The following FOXO3 variants were observed in gnomAD, a reference collection of about 807,000 sequenced individuals.
FOXO3 encodes forkhead box O3, also known as forkhead box protein O3.
FOXO3 carries 4 observed loss-of-function variants against 41.9 expected under a neutral mutation model. The observed-to-expected ratio is 0.10, with a 90% CI of 0.05 to 0.22. The LOEUF (loss-of-function observed/expected upper bound fraction) is 0.22. FOXO3 is among the 10% of genes least tolerant of loss of function. FOXO3 has a pLI of 1.00. For missense variants in FOXO3, 534 were observed against 906.8 expected (o/e 0.59, Z 5.28); for synonymous variants, 318 against 389.3 (o/e 0.82, Z 2.16).
At chr6:108,594,357 C>T (rs1403924876) in intron 1 of FOXO3, among the ~76,000 whole-genome samples, 2 of 152,188 alleles carry the variant, frequency 1.3e-5, no homozygotes, top group African/African-American at 4.8e-5. Context: ...TGATTTCATA[C>T]TCCTAAGGTT....
At chr6:108,672,697 T>A (rs1779249732) in intron 2 of FOXO3, among the ~76,000 whole-genome samples, 1 of 152,110 alleles carries the variant, frequency 6.6e-6, no homozygotes, top group South Asian at 2.1e-4. Context: ...GGTTTGGATG[T>A]CAGTACGTCT....
chr6:108,566,271 A>G (rs996372150), intron 1 of FOXO3, among the ~76,000 whole-genome samples: 1 of 152,232 alleles, frequency 6.6e-6, no homozygotes, highest in Non-Finnish European at 1.5e-5. Context: ...AAATGAAACT[A>G]CAGCAGACTT....
At chr6:108,660,166 T>C (rs540387910) in intron 1 of FOXO3, among the ~76,000 whole-genome samples, 3 of 152,304 alleles carry the variant, frequency 2.0e-5, no homozygotes, top group East Asian at 3.9e-4. Context: ...TGAGTTTGTT[T>C]TTATTTAATA....
At chr6:108,577,303 A>G (rs1776289343) in intron 1 of FOXO3, among the ~76,000 whole-genome samples, 1 of 152,096 alleles carries the variant, frequency 6.6e-6, no homozygotes. Flanking sequence ...TCGTCTAGCC[A>G]TTTCTGATTT....
At chr6:108,575,234 T>C (rs950603918) in intron 1 of FOXO3, among the ~76,000 whole-genome samples, 1 of 152,212 alleles carries the variant, frequency 6.6e-6, no homozygotes, top group African/African-American at 2.4e-5. Flanking sequence ...AATCATTGAT[T>C]TTTAAAAATG....
intron 1 of FOXO3, among the ~76,000 whole-genome samples, chr6:108,578,228 A>G (rs1219414660): frequency 1.3e-5 from 2 of 152,154 alleles, no homozygotes; most frequent in African/African-American, 2.4e-5. Context: ...CCCCACACAG[A>G]CTAAATCAGA....
At chr6:108,662,611 AT>A (rs1399915691) in intron 1 of FOXO3, among the ~76,000 whole-genome samples, 1 of 152,198 alleles carries the variant, frequency 6.6e-6, no homozygotes, top group Non-Finnish European at 1.5e-5. Flanking sequence ...TTAGGTAAAA[AT>A]TCTCATCGGT....
intron 1 of FOXO3, among the ~76,000 whole-genome samples, chr6:108,660,380 C>A (rs1171845281): frequency 6.6e-6 from 1 of 152,192 alleles, no homozygotes; most frequent in African/African-American, 2.4e-5. Flanking sequence ...GTCTCCTGGG[C>A]AACATTTGCC....
chr6:108,663,339 C>T (rs1319509139), intron 1 of FOXO3, 116 bp from the exon 2 acceptor site: 9 of 1,430,290 alleles, frequency 6.3e-6, no homozygotes, highest in Non-Finnish European at 8.3e-6. Flanking sequence ...AGAGTGAGAC[C>T]TTGTCTCAAA....
chr6:108,666,532 A>G (rs1779067243), intron 2 of FOXO3, among the ~76,000 whole-genome samples: 1 of 149,372 alleles, frequency 6.7e-6, no homozygotes. Context: ...TTTAGTAGAG[A>G]TGGGGTTTCA....
At chr6:108,610,218 CTTTAT>C (rs944113403) in intron 1 of FOXO3, among the ~76,000 whole-genome samples, 5 of 151,954 alleles carry the variant, frequency 3.3e-5, no homozygotes, top group African/African-American at 7.3e-5. Context: ...TTTTTTTCCT[CTTTAT>C]TTTAATATTC....
At chr6:108,646,170 A>G (rs1246598637) in intron 1 of FOXO3, among the ~76,000 whole-genome samples, 2 of 152,200 alleles carry the variant, frequency 1.3e-5, no homozygotes, top group African/African-American at 2.4e-5. Flanking sequence ...ACGAATGAAG[A>G]GACTCATCTC....
At chr6:108,613,389 C>G (rs529977596) in intron 1 of FOXO3, among the ~76,000 whole-genome samples, 1 of 152,262 alleles carries the variant, frequency 6.6e-6, no homozygotes, top group Admixed American at 6.5e-5. Context: ...AAATGTTTAA[C>G]TGCTAATTCA....
chr6:108,589,689 T>A (rs1297959215), intron 1 of FOXO3, among the ~76,000 whole-genome samples: 1 of 152,184 alleles, frequency 6.6e-6, no homozygotes, highest in Non-Finnish European at 1.5e-5. Flanking sequence ...TGGCTGTTCA[T>A]GTGAGTTCCT....
chr6:108,617,298 T>C (rs902714179), intron 1 of FOXO3, among the ~76,000 whole-genome samples: 8 of 152,220 alleles, frequency 5.3e-5, no homozygotes, highest in African/African-American at 1.7e-4. Context: ...TGTTAATTGA[T>C]TGATTATTTT....
chr6:108,624,289 A>G (rs926116823), intron 1 of FOXO3, among the ~76,000 whole-genome samples: 1 of 151,586 alleles, frequency 6.6e-6, no homozygotes, highest in African/African-American at 2.4e-5. Flanking sequence ...CAGATGAGAC[A>G]TTTCTTAAGG....
intron 1 of FOXO3, among the ~76,000 whole-genome samples, chr6:108,625,919 A>G (rs185700744): frequency 1.3e-5 from 2 of 152,280 alleles, no homozygotes; most frequent in Non-Finnish European, 1.5e-5. Flanking sequence ...CCTCCTTGCA[A>G]GGAAAGCCAG....
rs1770967022 is a variant in FOXO3, at chr6:108,683,951, C to A, written c.*4159C>A. 1 of 152,600 alleles carries A rather than the reference C, an allele frequency of 6.6e-6. No homozygotes were observed. The highest frequency in any genetic ancestry group is 2.4e-5 in the African/African-American group (1 of 41,440). 9.5% of individuals were successfully genotyped at this position (152,600 alleles called of 1,614,324 possible). A position where few individuals can be genotyped will look rare whatever the true frequency, so the allele number is the denominator to read the frequency against. On this transcript the variant is annotated 3_prime_UTR_variant, in exon 3 of 3. Transcript: ENST00000406360. The stretch of plus-strand genomic sequence containing the variant: ...TGGAATCATGCCTGTCAAATGAGGT[C>A]TTGAAGCGGATGCCCAAATAAAAGA...
intron 1 of FOXO3, among the ~76,000 whole-genome samples, chr6:108,598,085 G>C (rs887702366): frequency 6.6e-6 from 1 of 152,168 alleles, no homozygotes; most frequent in South Asian, 2.1e-4. Context: ...GGAGTTTGAG[G>C]TTCCAGTGAT....
Sources: gnomAD v4.1 joint callset for allele counts (sites outside exome capture counted in the v4.1 genomes callset) on GRCh38, gnomAD v4.1.1 for gene constraint, MANE v1.5 for transcripts, NCBI Gene and HGNC (gene_info 2026-07-23, HGNC 2026-07-21) for gene names.